Variants in CSMD1 observed in about 807,000 individuals in gnomAD.
The protein encoded by CSMD1 is CUB and Sushi multiple domains 1.
In CSMD1, 213 loss-of-function variants were observed where a neutral mutation model predicts 417.5. The observed-to-expected ratio is 0.51, with a 90% CI of 0.46 to 0.57. The LOEUF (loss-of-function observed/expected upper bound fraction) is 0.57, where lower values mean the gene tolerates loss of function less well. CSMD1 is among the 20% of genes least tolerant of loss of function. The probability of loss-of-function intolerance (pLI) is 0.00; values close to 1 mark genes in which losing one functional copy is unlikely to be tolerated. For synonymous variants in CSMD1, 2,862 were observed against 1,736.8 expected (o/e 1.65, Z -16.11); for missense variants, 6,923 against 4,529.7 (o/e 1.53, Z -15.17).
chr8:3,300,598 A>G (rs903385039), intron 25 of CSMD1, among the ~76,000 whole-genome samples: 4 of 152,162 alleles, frequency 2.6e-5, no homozygotes, highest in Non-Finnish European at 4.4e-5. Context: ...ATTCTAAGGA[A>G]TTATATAAAT....
chr8:3,306,834 AAAAATATTACAGAGCTTACT>A lies in CSMD1; in HGVS notation c.3950+841_3950+860del, dbSNP rs1346711419. Among the ~76,000 whole-genome samples, 7 of 27,916 alleles carry A rather than the reference AAAAATATTACAGAGCTTACT, an allele frequency of 2.5e-4. 1 individual carries two copies. The highest frequency in any genetic ancestry group is 8.4e-4 in the Admixed American group (3 of 3,554). 18.3% of individuals were successfully genotyped at this position (27,916 alleles called of 152,430 possible). A position where few individuals can be genotyped will look rare whatever the true frequency, so the allele number is the denominator to read the frequency against. ...GAGTAGATCACCAAGAGCTTACTTT[AAAAATATTACAGAGCTTACT>A]TTAAAAATATTACTTTTTGTTGGTT... On this transcript the variant is annotated intron_variant, in intron 25 of 69. Transcript: ENST00000635120.
chr8:4,262,339 C>A (rs1408173220), intron 3 of CSMD1, among the ~76,000 whole-genome samples: 1 of 152,102 alleles, frequency 6.6e-6, no homozygotes, highest in African/African-American at 2.4e-5. Flanking sequence ...TTTTTCATTT[C>A]TGCAATCTGG....
chr8:3,958,089 T>G (rs532831018), intron 5 of CSMD1, among the ~76,000 whole-genome samples: 1 of 152,332 alleles, frequency 6.6e-6, no homozygotes, highest in African/African-American at 2.4e-5. Flanking sequence ...TTTATTACTA[T>G]AATGCTACTT....
At chr8:3,242,812 AAATAAGGGGT>A (rs1455346606) in intron 26 of CSMD1, among the ~76,000 whole-genome samples, 1 of 36,474 alleles carries the variant, frequency 2.7e-5, no homozygotes, top group Non-Finnish European at 7.3e-5. Context: ...TGGGGCGCAG[AAATAAGGGGT>A]TGGGGCGCAG....
chr8:4,702,619 G>T (rs766124627), intron 1 of CSMD1, among the ~76,000 whole-genome samples: 1 of 152,100 alleles, frequency 6.6e-6, no homozygotes, highest in Non-Finnish European at 1.5e-5. Flanking sequence ...CTCATTACCA[G>T]TCCAGAACAC....
Position 3,679,099 on chromosome 8 carries a change from T to A in CSMD1, c.1009+29315A>T, listed in dbSNP as rs944830208. On this transcript the variant is annotated intron_variant, in intron 7 of 69. Coordinates refer to ENST00000635120, the MANE Select transcript of CSMD1 (RefSeq NM_033225.6). Reference sequence around the variant, plus strand: ...AAAACATGCCAAATTGTAAAGACCATCGAGGCTAGGAAGAAAACTGTATCA... The same window carrying A: ...AAAACATGCCAAATTGTAAAGACCAACGAGGCTAGGAAGAAAACTGTATCA... Among the ~76,000 whole-genome samples the A allele has an allele frequency of 3.6e-4, 55 of 152,120 alleles. 1 individual carries two copies. Among genetic ancestry groups the A allele is most frequent in the Non-Finnish European group, 3.7e-4 (25 of 67,986 alleles).
intron 1 of CSMD1, among the ~76,000 whole-genome samples, chr8:4,800,142 C>G (rs895996062): frequency 5.3e-5 from 8 of 151,846 alleles, no homozygotes; most frequent in Non-Finnish European, 1.2e-4. Flanking sequence ...GTTATTAATA[C>G]AAGAAAGGAA....
intron 1 of CSMD1, among the ~76,000 whole-genome samples, chr8:4,750,100 G>A (rs1585040476): frequency 6.6e-6 from 1 of 152,068 alleles, no homozygotes; most frequent in African/African-American, 2.4e-5. Context: ...CCGCCTCCCG[G>A]GTTCACCCCA....
intron 20 of CSMD1, 75 bp downstream of exon 20, chr8:3,366,957 C>G (rs940347743): frequency 1.8e-6 from 2 of 1,132,382 alleles, no homozygotes; most frequent in Non-Finnish European, 2.6e-6. Context: ...CACACACACA[C>G]CCACACACAT....
At chr8:3,658,061 G>T (rs1798219738) in intron 7 of CSMD1, among the ~76,000 whole-genome samples, 1 of 152,140 alleles carries the variant, frequency 6.6e-6, no homozygotes, top group Non-Finnish European at 1.5e-5. Flanking sequence ...AACAGCGTCA[G>T]CCCAGAGGCA....
intron 3 of CSMD1, among the ~76,000 whole-genome samples, chr8:4,205,731 T>C (rs549994657): frequency 7.9e-6 from 1 of 126,592 alleles, no homozygotes; most frequent in African/African-American, 3.5e-5. Context: ...TCAGCTCACT[T>C]CCTAGGCCAC....
At chr8:2,972,362 A>G (rs1248047365) in intron 57 of CSMD1, among the ~76,000 whole-genome samples, 2 of 152,208 alleles carry the variant, frequency 1.3e-5, no homozygotes, top group African/African-American at 4.8e-5. Flanking sequence ...ATATTGAATT[A>G]ATTTGTATAA....
chr8:4,030,228 G>A (rs1013057053), intron 4 of CSMD1, among the ~76,000 whole-genome samples: 1 of 152,044 alleles, frequency 6.6e-6, no homozygotes, highest in South Asian at 2.1e-4. Flanking sequence ...TAGGGACTCT[G>A]TGGGGGAGCT....
At chr8:3,641,072 A>G (rs1000525649) in intron 7 of CSMD1, among the ~76,000 whole-genome samples, 4 of 116,144 alleles carry the variant, frequency 3.4e-5, no homozygotes, top group African/African-American at 1.3e-4. Flanking sequence ...CAAAAGTTGT[A>G]ATGATTCAGG....
At chr8:4,266,078 A>AT (rs1313808122) in intron 3 of CSMD1, among the ~76,000 whole-genome samples, 1 of 103,580 alleles carries the variant, frequency 9.7e-6, no homozygotes, top group Non-Finnish European at 2.6e-5. Context: ...CCCACCGCAC[A>AT]TAGACTCACC....
intron 1 of CSMD1, among the ~76,000 whole-genome samples, chr8:4,764,348 G>C (rs554511071): frequency 6.6e-6 from 1 of 152,222 alleles, no homozygotes; most frequent in African/African-American, 2.4e-5. Context: ...CTAGAAATTA[G>C]TATCAATTCA....
chr8:3,827,677 C>A (rs1179804444), intron 5 of CSMD1, among the ~76,000 whole-genome samples: 1 of 152,134 alleles, frequency 6.6e-6, no homozygotes, highest in African/African-American at 2.4e-5. Context: ...TCAGATAAAC[C>A]CAATTTATTG....
At chr8:4,521,446 T>G (rs376553939) in intron 2 of CSMD1, among the ~76,000 whole-genome samples, 3 of 152,222 alleles carry the variant, frequency 2.0e-5, no homozygotes, top group East Asian at 1.9e-4. Context: ...ATATACCTGC[T>G]GCATTTTATG....
intron 8 of CSMD1, among the ~76,000 whole-genome samples, chr8:3,607,986 A>T (rs2117117327): frequency 6.6e-6 from 1 of 152,248 alleles, no homozygotes. Context: ...CCTGGCAAAC[A>T]TGGGAAAACC....
Sources: gnomAD v4.1 joint callset for allele counts (sites outside exome capture counted in the v4.1 genomes callset) on GRCh38, gnomAD v4.1.1 for gene constraint, MANE v1.5 for transcripts, NCBI Gene and HGNC (gene_info 2026-07-23, HGNC 2026-07-21) for gene names.